MACROD2: variants seen among roughly 807,000 people sequenced by gnomAD.
The protein encoded by MACROD2 is mono-ADP ribosylhydrolase 2, also known as ADP-ribose glycohydrolase MACROD2.
In MACROD2, 36 loss-of-function variants were observed where a neutral mutation model predicts 70.4. The ratio of observed to expected loss-of-function variants is 0.51; its 90% confidence interval spans 0.39 to 0.68. The LOEUF (loss-of-function observed/expected upper bound fraction) is 0.68, where lower values mean the gene tolerates loss of function less well. Among genes scored for constraint, MACROD2 ranks in the 30% least tolerant of loss-of-function variants. The pLI is 0.00. For synonymous variants in MACROD2, 172 were observed against 178.8 expected (o/e 0.96, Z 0.30); for missense variants, 496 against 538.4 (o/e 0.92, Z 0.78).
chr20:15,825,979 C>G (rs569336576), intron 8 of MACROD2, among the ~76,000 whole-genome samples: 2 of 152,254 alleles, frequency 1.3e-5, no homozygotes, highest in South Asian at 4.1e-4. Flanking sequence ...GCAGGAATTC[C>G]CCCTCATCCA....
At chr20:15,836,994 G>C (rs1197430848) in intron 8 of MACROD2, among the ~76,000 whole-genome samples, 1 of 152,158 alleles carries the variant, frequency 6.6e-6, no homozygotes, top group Admixed American at 6.5e-5. Flanking sequence ...AAGGGACTTA[G>C]CTGGAGTTCA....
chr20:14,250,820 A>G (rs548386379), intron 3 of MACROD2, among the ~76,000 whole-genome samples: 1 of 152,258 alleles, frequency 6.6e-6, no homozygotes, highest in East Asian at 1.9e-4. Flanking sequence ...GAATCTGAAA[A>G]AATGCAATAA....
chr20:14,862,209 AT>A, intron 5 of MACROD2, among the ~76,000 whole-genome samples: 3 of 10,956 alleles, frequency 2.7e-4, no homozygotes, highest in African/African-American at 1.8e-3. Context: ...ATATATAAAT[AT>A]ATATATATAT....
At chr20:15,361,492 A>G (rs2078351137) in intron 6 of MACROD2, among the ~76,000 whole-genome samples, 1 of 152,204 alleles carries the variant, frequency 6.6e-6, no homozygotes, top group South Asian at 2.1e-4. Flanking sequence ...TTTAAAATCA[A>G]GTAGAGTGAT....
intron 8 of MACROD2, among the ~76,000 whole-genome samples, chr20:15,754,570 C>T (rs1050038432): frequency 1.3e-5 from 2 of 151,124 alleles, no homozygotes; most frequent in African/African-American, 4.9e-5. Flanking sequence ...AGATTTCTGT[C>T]GCCCAGGTTT....
intron 8 of MACROD2, among the ~76,000 whole-genome samples, chr20:15,786,456 A>C (rs916845491): frequency 6.6e-6 from 1 of 152,230 alleles, no homozygotes. Context: ...CTATGTAAGC[A>C]GAAAAAGTAA....
At chr20:15,105,580 A>G (rs1280972985) in intron 5 of MACROD2, among the ~76,000 whole-genome samples, 1 of 152,128 alleles carries the variant, frequency 6.6e-6, no homozygotes, top group East Asian at 1.9e-4. Context: ...TGTGCCCTCT[A>G]ACAGTGTTAG....
At chr20:14,765,505 A>T (rs2072075164) in intron 5 of MACROD2, among the ~76,000 whole-genome samples, 1 of 152,038 alleles carries the variant, frequency 6.6e-6, no homozygotes. Flanking sequence ...ACATGTTGCC[A>T]CCCATAGGTA....
chr20:15,127,313 G>C (rs1173756423), intron 5 of MACROD2, among the ~76,000 whole-genome samples: 2 of 152,022 alleles, frequency 1.3e-5, no homozygotes, highest in Non-Finnish European at 2.9e-5. Context: ...AACTATTCCA[G>C]AGTAATAAGA....
At chr20:14,380,236 A>G (rs779652142) in intron 3 of MACROD2, among the ~76,000 whole-genome samples, 11 of 152,110 alleles carry the variant, frequency 7.2e-5, no homozygotes, top group Non-Finnish European at 1.5e-4. Flanking sequence ...CTTATTTGCT[A>G]TTTGTATGTC....
Position 15,363,044 on chromosome 20 carries a change from G to A in MACROD2, c.541-68361G>A, listed in dbSNP as rs542741906. 2.6e-5 allele frequency among the ~76,000 whole-genome samples: 4 copies of A among 152,178 alleles called. No individual in the cohort carries two copies. The South Asian group carries it at 8.3e-4, about 32-fold the overall frequency. On this transcript the variant is annotated intron_variant, in intron 6 of 17. Coordinates refer to ENST00000684519, the MANE Select transcript of MACROD2 (RefSeq NM_001351661.2). The stretch of plus-strand genomic sequence containing the variant: ...GGGAGGAAGGGAGGAAGCCCCTTAG[G>A]AATTCATGGTAGTACACAGTTAAGT...
chr20:15,311,803 C>A (rs1305730987), intron 6 of MACROD2, among the ~76,000 whole-genome samples: 2 of 152,018 alleles, frequency 1.3e-5, no homozygotes, highest in African/African-American at 4.8e-5. Context: ...GAAAGGGGGA[C>A]AGGAGTTGAA....
intron 5 of MACROD2, among the ~76,000 whole-genome samples, chr20:14,937,704 T>A (rs1341136299): frequency 1.3e-5 from 2 of 152,138 alleles, no homozygotes; most frequent in Non-Finnish European, 2.9e-5. Context: ...AAATTATTCT[T>A]TTAACTATTT....
chr20:14,532,099 C>G (rs1299783187), intron 4 of MACROD2, among the ~76,000 whole-genome samples: 4 of 152,100 alleles, frequency 2.6e-5, no homozygotes, highest in Admixed American at 6.6e-5. Flanking sequence ...TTCATACTTC[C>G]CAAAGGCCTA....
intron 3 of MACROD2, among the ~76,000 whole-genome samples, chr20:14,162,742 T>G (rs1040398757): frequency 2.0e-4 from 30 of 152,026 alleles, no homozygotes; most frequent in Non-Finnish European, 5.9e-5. Context: ...TCAGCCTGTA[T>G]GTGTCTTTAC....
At chr20:14,562,017 T>C (rs16994677) in intron 4 of MACROD2, among the ~76,000 whole-genome samples, 6,718 of 151,918 alleles carry the variant, frequency 0.044, 385 homozygotes, top group African/African-American at 0.13. Flanking sequence ...TTAGCAATAA[T>C]CAACAATTTA....
At chr20:14,353,254 A>G (rs2083141541) in intron 3 of MACROD2, among the ~76,000 whole-genome samples, 1 of 152,158 alleles carries the variant, frequency 6.6e-6, no homozygotes, top group Non-Finnish European at 1.5e-5. Flanking sequence ...GAAGAACAGA[A>G]AAGGGATTAT....
intron 5 of MACROD2, among the ~76,000 whole-genome samples, chr20:14,784,488 G>A (rs960562363): frequency 3.3e-5 from 5 of 152,014 alleles, no homozygotes; most frequent in East Asian, 1.9e-4. Context: ...TTATTAAGTC[G>A]GGTTCATAGA....
At chr20:14,942,711 G>T (rs748049060) in intron 5 of MACROD2, among the ~76,000 whole-genome samples, 1 of 152,186 alleles carries the variant, frequency 6.6e-6, no homozygotes, top group African/African-American at 2.4e-5. Context: ...AAGGCTTATG[G>T]TATGCTCAGG....
Sources: allele counts gnomAD v4.1 joint callset (sites outside exome capture counted in the v4.1 genomes callset), GRCh38; gene constraint gnomAD v4.1.1; transcripts MANE v1.5; gene names NCBI Gene and HGNC (gene_info 2026-07-23, HGNC 2026-07-21).